Variants in PRKCB observed in about 807,000 individuals in gnomAD.
PRKCB encodes protein kinase C beta.
A neutral mutation model predicts 81.5 loss-of-function variants in PRKCB; 13 were observed. The observed-to-expected ratio is 0.16, with a 90% CI of 0.10 to 0.25. The LOEUF is 0.25. Among genes scored for constraint, PRKCB ranks in the 10% least tolerant of loss-of-function variants. The probability of loss-of-function intolerance (pLI) is 1.00; values close to 1 mark genes in which losing one functional copy is unlikely to be tolerated. For synonymous variants in PRKCB, 335 were observed against 321.4 expected (o/e 1.04, Z -0.45); for missense variants, 509 against 875.7 (o/e 0.58, Z 5.29).
At chr16:23,930,366 C>T (rs1001679644) in intron 2 of PRKCB, among the ~76,000 whole-genome samples, 1 of 151,926 alleles carries the variant, frequency 6.6e-6, no homozygotes. Context: ...CCCAGGAGTT[C>T]GAAACCAGCC....
intron 14 of PRKCB, 52 bp from the exon 15 acceptor site, chr16:24,185,408 G>C: frequency 6.5e-7 from 1 of 1,531,138 alleles, no homozygotes; most frequent in Middle Eastern, 1.7e-4. Flanking sequence ...GGGGAGCTAG[G>C]GGGAGGGTTC....
At chr16:23,878,597 G>C (rs373302738) in intron 2 of PRKCB, among the ~76,000 whole-genome samples, 2 of 152,280 alleles carry the variant, frequency 1.3e-5, no homozygotes, top group Admixed American at 1.3e-4. Flanking sequence ...ACATGGTTTT[G>C]TTCATCCTCA....
At chr16:23,872,914 A>G (rs945412354) in intron 2 of PRKCB, among the ~76,000 whole-genome samples, 12 of 151,904 alleles carry the variant, frequency 7.9e-5, no homozygotes, top group African/African-American at 2.9e-4. Context: ...GTGGTGTCTC[A>G]TGCCTGTAAT....
chr16:24,007,600 G>C (rs1365002641), intron 3 of PRKCB, among the ~76,000 whole-genome samples: 1 of 152,208 alleles, frequency 6.6e-6, no homozygotes, highest in Non-Finnish European at 1.5e-5. Flanking sequence ...AGAGCTGCAT[G>C]CTGTGGAGGA....
intron 2 of PRKCB, among the ~76,000 whole-genome samples, chr16:23,885,466 G>A (rs77702343): frequency 0.18 from 27,540 of 151,914 alleles, 2,623 homozygotes; most frequent in Middle Eastern, 0.28. Context: ...CCGCCACCAC[G>A]CCCAGCTAAT....
chr16:24,208,799 T>C (rs1968087380), intron 16 of PRKCB, among the ~76,000 whole-genome samples: 1 of 152,154 alleles, frequency 6.6e-6, no homozygotes, highest in Non-Finnish European at 1.5e-5. Flanking sequence ...TAGGGAGCGC[T>C]CCTGAAGCTA....
intron 3 of PRKCB, among the ~76,000 whole-genome samples, chr16:24,004,463 G>A (rs943173088): frequency 4.8e-5 from 5 of 104,744 alleles, no homozygotes; most frequent in South Asian, 2.9e-4. Flanking sequence ...GCAACATGGC[G>A]AAACCAAGTC....
chr16:24,137,343 C>T (rs1438052554), intron 9 of PRKCB, among the ~76,000 whole-genome samples: 1 of 151,454 alleles, frequency 6.6e-6, no homozygotes, highest in Non-Finnish European at 1.5e-5. Flanking sequence ...TGCATGCCAT[C>T]GTGCCTGGCT....
At chr16:24,206,877 A>ATT (rs1968055107) in intron 16 of PRKCB, among the ~76,000 whole-genome samples, 1 of 152,184 alleles carries the variant, frequency 6.6e-6, no homozygotes, top group Non-Finnish European at 1.5e-5. Flanking sequence ...AGCCTTCCTT[A>ATT]TTATCCCTTA....
rs1966694756 is a variant in PRKCB at position 24,113,089 on chromosome 16, T to C, written c.918+20T>C. 1 of 1,577,250 alleles carries C rather than the reference T, an allele frequency of 6.3e-7. No homozygotes were observed. Among genetic ancestry groups the C allele is most frequent in the South Asian group, 1.1e-5 (1 of 87,510 alleles). On this transcript the variant is annotated intron_variant, in intron 8 of 16. Coordinates refer to ENST00000643927, the MANE Select transcript of PRKCB (RefSeq NM_002738.7). Reference sequence around the variant, plus strand: ...TTTGAGGTGAGGTTTCTTTTCTTTTTCTCTTCTTTCTTTTTTCTCTTTCTT... The same window carrying C: ...TTTGAGGTGAGGTTTCTTTTCTTTTCCTCTTCTTTCTTTTTTCTCTTTCTT...
At chr16:24,002,976 G>C (rs7199336) in intron 3 of PRKCB, among the ~76,000 whole-genome samples, 2 of 151,898 alleles carry the variant, frequency 1.3e-5, no homozygotes, top group Non-Finnish European at 2.9e-5. Context: ...GGAGGGGAGA[G>C]TGAGACCCTC....
chr16:24,184,730 C>T (rs1371988990), intron 13 of PRKCB, among the ~76,000 whole-genome samples: 1 of 152,116 alleles, frequency 6.6e-6, no homozygotes, highest in Non-Finnish European at 1.5e-5. Flanking sequence ...GTTTTAAAAA[C>T]ATGTAACGTA....
At chr16:24,048,731 C>T (rs573614334) in intron 5 of PRKCB, among the ~76,000 whole-genome samples, 1 of 152,204 alleles carries the variant, frequency 6.6e-6, no homozygotes, top group Non-Finnish European at 1.5e-5. Context: ...ATCTGCCCAC[C>T]TCGGCCCCCC....
intron 3 of PRKCB, among the ~76,000 whole-genome samples, chr16:23,993,122 A>G (rs1964909709): frequency 6.6e-6 from 1 of 152,136 alleles, no homozygotes; most frequent in South Asian, 2.1e-4. Context: ...TAAACGTGAG[A>G]TGCACTGTGT....
rs549050746 is a variant in PRKCB, at chr16:24,067,478, T to C, written c.530-25313T>C. ...CCACACCCCACTAATGTTTGTATTT[T>C]TGTAGAGATGGGGTTTTACTATGTT... On this transcript the variant is annotated intron_variant, in intron 5 of 16. Coordinates refer to ENST00000643927, the MANE Select transcript of PRKCB (RefSeq NM_002738.7). 2.0e-5 allele frequency among the ~76,000 whole-genome samples: 3 copies of C among 152,236 alleles called. No individual in the cohort carries two copies. The South Asian group carries it at 6.2e-4, about 32-fold the overall frequency.
intron 10 of PRKCB, among the ~76,000 whole-genome samples, chr16:24,168,873 A>T (rs1242479623): frequency 4.0e-5 from 6 of 149,410 alleles, no homozygotes; most frequent in Non-Finnish European, 8.9e-5. Flanking sequence ...TTTTTCTATT[A>T]TTTTTTTTTA....
chr16:23,854,408 T>C (rs1445058211), intron 2 of PRKCB, among the ~76,000 whole-genome samples: 1 of 152,114 alleles, frequency 6.6e-6, no homozygotes, highest in Non-Finnish European at 1.5e-5. Context: ...GGGTCAGTAA[T>C]TTGGGCTGGG....
intron 2 of PRKCB, among the ~76,000 whole-genome samples, chr16:23,929,514 A>G (rs1462819028): frequency 1.3e-5 from 2 of 152,090 alleles, no homozygotes; most frequent in African/African-American, 4.8e-5. Context: ...GAAGTAAACT[A>G]ATGTGGAGAA....
In PRKCB at chr16:23,887,753, G is replaced by A. The variant is rs568641546; in HGVS notation, c.205+50347G>A. ...GGATTGAATGGCAATTCTATTTTTA[G>A]TTCTTTGAGAAGTCTCTAAACTGCT... On this transcript the variant is annotated intron_variant, in intron 2 of 16. Coordinates refer to ENST00000643927, the MANE Select transcript of PRKCB (RefSeq NM_002738.7). Among the ~76,000 whole-genome samples, 124 of 152,316 alleles carry A rather than the reference G, an allele frequency of 8.1e-4. 2 individuals are homozygous for A. Among genetic ancestry groups the A allele is most frequent in the African/African-American group, 2.9e-3 (120 of 41,564 alleles).
Sources: allele counts gnomAD v4.1 joint callset (sites outside exome capture counted in the v4.1 genomes callset), GRCh38; gene constraint gnomAD v4.1.1; transcripts MANE v1.5; gene names NCBI Gene and HGNC (gene_info 2026-07-23, HGNC 2026-07-21).